CACNA1G: variants seen among roughly 807,000 people sequenced by gnomAD.
The protein encoded by CACNA1G is calcium voltage-gated channel subunit alpha1 G.
In CACNA1G, 67 loss-of-function variants were observed where a neutral mutation model predicts 219.4. The ratio of observed to expected loss-of-function variants is 0.31; its 90% confidence interval spans 0.25 to 0.37. The LOEUF is 0.37. Ranked by LOEUF, CACNA1G falls within the 10% of genes least tolerant of loss-of-function variation. CACNA1G has a pLI of 1.00. For missense variants in CACNA1G, 2,380 were observed against 3,231.4 expected (o/e 0.74, Z 6.39); for synonymous variants, 1,296 against 1,345.3 (o/e 0.96, Z 0.80).
Position 50,618,984 on chromosome 17 carries a change from C to T in CACNA1G, c.5757C>T (p.Ser1919=). ...CAGCGGCCCACGCGAGATCAGCCTC[C>T]CACTTTTCCCTGGAGCACCCCACGG... is the stretch of plus-strand genomic sequence containing the variant. ...LHPAAHARSA[S]HFSLEHPTDR... Residue 1919 remains serine (S), a synonymous_variant, in exon 33 of 38, where the codon TCC becomes TCT. Transcript: ENST00000359106. This position sits in a 1 kb window ranked among gnomAD's most constrained non-coding sequence, Gnocchi z 5.3. 1 of 1,536,306 alleles carries T rather than the reference C, an allele frequency of 6.5e-7. No homozygotes were observed. The highest frequency in any genetic ancestry group is 8.8e-7 in the Non-Finnish European group (1 of 1,142,620).
At chr17:50,606,297 A>C in intron 23 of CACNA1G, 1 of 692,196 alleles carries the variant, frequency 1.4e-6, no homozygotes, top group Non-Finnish European at 2.7e-6. Context: ...ACAGAGCTAC[A>C]TGGTGGAGCA....
At chr17:50,606,093 A>G (rs886397062) in intron 23 of CACNA1G, 70 bp downstream of exon 23, 2 of 1,597,912 alleles carry the variant, frequency 1.3e-6, no homozygotes, top group Non-Finnish European at 1.7e-6. Flanking sequence ...ATGCTTAGTG[A>G]TACCTGCTGA....
At chr17:50,588,591 T>G (rs532129183) in intron 9 of CACNA1G, among the ~76,000 whole-genome samples, 59 of 152,272 alleles carry the variant, frequency 3.9e-4, no homozygotes, top group Non-Finnish European at 7.1e-4. Context: ...CCGGAGACAC[T>G]AATGGCCCTG....
intron 28 of CACNA1G, 50 bp downstream of exon 28, chr17:50,616,434 A>G (rs2050621588): frequency 1.8e-6 from 2 of 1,117,858 alleles, no homozygotes; most frequent in Non-Finnish European, 2.7e-6. Context: ...ATAGAAAGGA[A>G]TGAGTCTCTT....
Position 50,572,672 on chromosome 17 carries a change from C to T in CACNA1G, c.865C>T (p.Arg289Cys), listed in dbSNP as rs761241506. ...MRSCRSVPTL[R>C]GDGGGGPPCG... Reference sequence around the variant, plus strand: ...GTCCTGCAGAAGCGTGCCCACGCTGCGCGGGGACGGGGGCGGTGGCCCACC... The same window carrying T: ...GTCCTGCAGAAGCGTGCCCACGCTGTGCGGGGACGGGGGCGGTGGCCCACC... Residue 289 changes from arginine (R) to cysteine (C), a missense_variant, in exon 6 of 38, where the codon CGC becomes TGC. By Grantham distance (180) the Arg-to-Cys change is radical. Around this residue, in one of 17 missense-constraint regions of CACNA1G, gnomAD observed 68 missense variants for 85.3 expected, o/e 0.80. Coordinates refer to ENST00000359106, the MANE Select transcript of CACNA1G (RefSeq NM_018896.5). 6.6e-5 allele frequency: 107 copies of T among 1,610,704 alleles called. No individual in the cohort carries two copies. Among genetic ancestry groups the T allele is most frequent in the Non-Finnish European group, 8.1e-5 (96 of 1,178,546 alleles).
At chr17:50,601,529 C>T (rs369318839) in intron 19 of CACNA1G, among the ~76,000 whole-genome samples, 99 of 152,334 alleles carry the variant, frequency 6.5e-4, no homozygotes, top group African/African-American at 2.2e-3. Context: ...TGCCTCAGGG[C>T]CTCGGGGGCA....
intron 5 of CACNA1G, among the ~76,000 whole-genome samples, chr17:50,572,342 C>T (rs2039637332): frequency 2.0e-5 from 3 of 152,124 alleles, no homozygotes; most frequent in Non-Finnish European, 4.4e-5. Context: ...CAGGATGTGA[C>T]CTTCCAACAT....
intron 28 of CACNA1G, among the ~76,000 whole-genome samples, chr17:50,616,940 A>G (rs1004889457): frequency 1.3e-5 from 2 of 152,146 alleles, no homozygotes; most frequent in African/African-American, 4.8e-5. Context: ...TCCTGAGTTC[A>G]AGCTGTCCTT....
intron 24 of CACNA1G, 108 bp from the exon 25 acceptor site, chr17:50,607,717 GTC>G (rs2048238965): frequency 1.2e-6 from 1 of 855,962 alleles, no homozygotes; most frequent in Admixed American, 1.9e-5. Context: ...TCCATCGCCT[GTC>G]AGGCGGCTGT....
At chr17:50,561,936 T>G (rs2144191710) in intron 1 of CACNA1G, 3 of 115,692 alleles carry the variant, frequency 2.6e-5, no homozygotes, top group Non-Finnish European at 5.1e-5. Flanking sequence ...ACCTCAGTCT[T>G]CCTGGGTTGG....
In CACNA1G at chr17:50,575,816, G is replaced by A. The variant is rs1450225146; in HGVS notation, c.1414G>A (p.Gly472Arg). ...GCTGCTCAGCAGCCCAGCACCCCTCGGGGGCCAGGAGACCCAGCCCAGCAG... is the reference window on the plus strand; with the variant it reads ...GCTGCTCAGCAGCCCAGCACCCCTCAGGGGCCAGGAGACCCAGCCCAGCAG... ...VGLLSSPAPLGGQETQPSSSC... is the reference protein window; with the variant it reads ...VGLLSSPAPLRGQETQPSSSC... Residue 472 changes from glycine (G) to arginine (R), a missense_variant, in exon 8 of 38, where the codon GGG becomes AGG. Gly to Arg is a moderately radical substitution (Grantham distance 125, BLOSUM62 -2). This residue lies in a region of CACNA1G where 434 missense variants were observed against 417.3 expected (regional missense o/e 1.04). Coordinates refer to ENST00000359106, the MANE Select transcript of CACNA1G (RefSeq NM_018896.5). 8.4e-6 allele frequency: 13 copies of A among 1,551,136 alleles called. No homozygotes were observed. The East Asian group carries it at 1.5e-4, about 17-fold the overall frequency.
chr17:50,569,562 C>T, intron 3 of CACNA1G, 144 bp from the exon 4 acceptor site: 1 of 684,170 alleles, frequency 1.5e-6, no homozygotes, highest in Admixed American at 2.5e-5. Context: ...AGACAGAGAG[C>T]CGGATCTTCA....
Position 50,617,121 on chromosome 17 carries a change from C to A in CACNA1G, c.5022-317C>A, listed in dbSNP as rs2050760779. The stretch of plus-strand genomic sequence containing the variant: ...ACCTCAGACTCCCAAAGTGTTGGGA[C>A]TGCAGGTGTGAGTTCCTATTTGTAA... On this transcript the variant is annotated intron_variant, in intron 28 of 37. Transcript: ENST00000359106. The surrounding 1 kb of genome is among the most constrained non-coding windows in gnomAD (Gnocchi z 5.8). 6.6e-6 allele frequency among the ~76,000 whole-genome samples: 1 copy of A among 152,206 alleles called. No individual in the cohort carries two copies. Among genetic ancestry groups the A allele is most frequent in the African/African-American group, 2.4e-5 (1 of 41,448 alleles).
At chr17:50,567,162 A>G (rs1308747518) in intron 1 of CACNA1G, among the ~76,000 whole-genome samples, 1 of 152,234 alleles carries the variant, frequency 6.6e-6, no homozygotes, top group Non-Finnish European at 1.5e-5. Context: ...GGCTCTACTC[A>G]GAAAAACAAT....
At position 50,576,297 on chromosome 17, in the gene CACNA1G, T is replaced by A. The variant is rs773021428; in HGVS notation, c.1895T>A (p.Met632Lys). ...LNIPPGPYSS[M>K]HKLLETQSTG... ...ATCCCACCCGGGCCCTACAGCTCCA[T>A]GCACAAGCTGCTGGAGACACAGAGT... The change falls in exon 8 of 38, where the codon ATG (methionine) becomes AAG (lysine). Residue 632 changes from methionine (M) to lysine (K), a missense_variant. Transcript: ENST00000359106. The A allele has an allele frequency of 6.3e-7, 1 of 1,577,944 alleles. No individual in the cohort carries two copies. The highest frequency in any genetic ancestry group is 8.6e-7 in the Non-Finnish European group (1 of 1,162,302).
intron 10 of CACNA1G, 121 bp downstream of exon 10, chr17:50,590,743 C>A: frequency 1.2e-6 from 1 of 828,622 alleles, no homozygotes. Flanking sequence ...CCCCACTGAC[C>A]CCACAGGACC....
At chr17:50,609,748 C>T in intron 25 of CACNA1G, 134 bp from the exon 26 acceptor site, 1 of 688,956 alleles carries the variant, frequency 1.5e-6, no homozygotes, top group Non-Finnish European at 2.4e-6. Flanking sequence ...CATTCAGAGC[C>T]AGCCACCCAA....
At chr17:50,590,816 C>T (rs189816074) in intron 10 of CACNA1G, among the ~76,000 whole-genome samples, 194 bp downstream of exon 10, 2 of 152,258 alleles carry the variant, frequency 1.3e-5, no homozygotes, top group African/African-American at 4.8e-5. Flanking sequence ...CTCTCTTGGC[C>T]CCACCTTGCT....
chr17:50,578,430 A>T lies in CACNA1G; in HGVS notation c.2167A>T (p.Ser723Cys). 1 of 1,611,476 alleles carries T rather than the reference A, an allele frequency of 6.2e-7. No homozygotes were observed. Among genetic ancestry groups the T allele is most frequent in the Non-Finnish European group, 8.5e-7 (1 of 1,178,690 alleles). Residue 723 changes from serine to cysteine, a missense_variant, in exon 9 of 38, where the codon AGC becomes TGC. Transcript: ENST00000359106. The surrounding 1 kb of genome is among the most constrained non-coding windows in gnomAD (Gnocchi z 4.5). ...QRSLGPDAEP[S>C]SVLAFWRLIC... is the part of the protein sequence containing the mutation. ...GAGCCTGGGCCCAGATGCAGAGCCC[A>T]GCTCTGTGCTGGCCTTCTGGAGGCT... is the stretch of plus-strand genomic sequence containing the variant.
Sources: allele counts gnomAD v4.1 joint callset (sites outside exome capture counted in the v4.1 genomes callset), GRCh38; gene constraint gnomAD v4.1.1; regional missense constraint gnomAD v4.1.1; non-coding constraint Gnocchi (gnomAD v3.1); transcripts MANE v1.5; gene names NCBI Gene and HGNC (gene_info 2026-07-23, HGNC 2026-07-21).